FLT3: variants seen among roughly 807,000 people sequenced by gnomAD.
FLT3 encodes the protein receptor-type tyrosine-protein kinase FLT3.
In FLT3, 46 loss-of-function variants were observed where a neutral mutation model predicts 126.6. The ratio of observed to expected loss-of-function variants is 0.36; its 90% CI spans 0.29 to 0.46. FLT3 has a LOEUF of 0.46. FLT3 is among the 20% of genes least tolerant of loss of function. The pLI, the probability that FLT3 is intolerant of heterozygous loss-of-function variation, is 1.00. For synonymous variants in FLT3, 404 were observed against 434.4 expected (o/e 0.93, Z 0.87); for missense variants, 1,069 against 1,190.3 (o/e 0.90, Z 1.50).
intron 9 of FLT3, among the ~76,000 whole-genome samples, chr13:28,044,020 G>C (rs1285720424): frequency 6.6e-6 from 1 of 150,854 alleles, no homozygotes; most frequent in Non-Finnish European, 1.5e-5. Context: ...TGAGGCAGGA[G>C]AATCACTTAC....
intron 17 of FLT3, among the ~76,000 whole-genome samples, chr13:28,026,609 G>C (rs1302930305): frequency 6.6e-6 from 1 of 152,130 alleles, no homozygotes; most frequent in African/African-American, 2.4e-5. Flanking sequence ...GCAGAGACAA[G>C]GTTACTGCTA....
chr13:28,074,893 T>C (rs913181283), intron 1 of FLT3, among the ~76,000 whole-genome samples: 4 of 152,078 alleles, frequency 2.6e-5, no homozygotes, highest in African/African-American at 9.7e-5. Context: ...CTTGGGCTCC[T>C]CAAGTGCTGG....
At chr13:28,062,589 A>T (rs1442647450) in intron 2 of FLT3, among the ~76,000 whole-genome samples, 1 of 151,896 alleles carries the variant, frequency 6.6e-6, no homozygotes, top group African/African-American at 2.4e-5. Flanking sequence ...CTAAAAATAC[A>T]AAAAATAAGC....
At chr13:28,093,592 A>G (rs1879265838) in intron 1 of FLT3, among the ~76,000 whole-genome samples, 2 of 152,182 alleles carry the variant, frequency 1.3e-5, no homozygotes, top group South Asian at 4.1e-4. Context: ...ATAGTTTTCC[A>G]TCTGTGGAAA....
rs1318954083 is a variant in FLT3 at position 28,023,451 on chromosome 13, T to C, written c.2317A>G (p.Arg773Gly). Residue 773 changes from arginine (R) to glycine (G), a missense_variant, in exon 19 of 24, where the codon AGG becomes GGG. By Grantham distance (125) the Arg-to-Gly change is moderately radical. Coordinates refer to ENST00000241453, the MANE Select transcript of FLT3 (RefSeq NM_004119.3). Reference protein sequence around the residue: ...EDEIEYENQKRLEEEEDLNVL... With the variant: ...EDEIEYENQKGLEEEEDLNVL... Reference sequence around the variant, plus strand: ...TTCAAGTCCTCCTCTTCTTCCAGCCTTTTTTGGTTTTCATATTCAATTTCA... The same window carrying C: ...TTCAAGTCCTCCTCTTCTTCCAGCCCTTTTTGGTTTTCATATTCAATTTCA... 5.0e-6 allele frequency: 8 copies of C among 1,612,944 alleles called. No homozygotes were observed. The East Asian group carries it at 1.8e-4, about 36-fold the overall frequency.
At chr13:28,065,221 G>A (rs1276448525) in intron 2 of FLT3, among the ~76,000 whole-genome samples, 5 of 152,222 alleles carry the variant, frequency 3.3e-5, no homozygotes, top group Admixed American at 1.3e-4. Context: ...ACAGGGATAT[G>A]TAGAAAGAGG....
intron 22 of FLT3, among the ~76,000 whole-genome samples, chr13:28,014,778 G>T (rs553135703): frequency 1.7e-4 from 26 of 152,310 alleles, no homozygotes; most frequent in Admixed American, 1.3e-4. Context: ...GGATAGAATC[G>T]AATGACCTTC....
At chr13:28,006,519 C>G (rs1870911655) in intron 23 of FLT3, among the ~76,000 whole-genome samples, 1 of 152,112 alleles carries the variant, frequency 6.6e-6, no homozygotes, top group South Asian at 2.1e-4. Context: ...CACTGAATTT[C>G]TAACCACCTC....
At chr13:28,047,539 T>C (rs1250645721) in intron 9 of FLT3, among the ~76,000 whole-genome samples, 2 of 151,872 alleles carry the variant, frequency 1.3e-5, no homozygotes, top group Non-Finnish European at 2.9e-5. Context: ...GGCAAAACCC[T>C]GTCTCTACCA....
intron 15 of FLT3, among the ~76,000 whole-genome samples, chr13:28,031,426 G>A (rs1163669146): frequency 6.6e-6 from 1 of 152,070 alleles, no homozygotes; most frequent in Admixed American, 6.5e-5. Context: ...GAAAGAGTGG[G>A]CAAAGGTCGA....
intron 1 of FLT3, among the ~76,000 whole-genome samples, chr13:28,088,736 C>T (rs1313143797): frequency 6.6e-6 from 1 of 151,750 alleles, no homozygotes; most frequent in Non-Finnish European, 1.5e-5. Context: ...AGGCGCCCAC[C>T]ACCACGCCCA....
intron 2 of FLT3, among the ~76,000 whole-genome samples, chr13:28,066,428 A>G (rs183900025): frequency 6.6e-6 from 1 of 152,310 alleles, no homozygotes; most frequent in Non-Finnish European, 1.5e-5. Context: ...TTCCAGGGGT[A>G]AGGCAAGAAA....
intron 1 of FLT3, among the ~76,000 whole-genome samples, chr13:28,082,222 C>T (rs1593298268): frequency 6.6e-6 from 1 of 152,058 alleles, no homozygotes. Flanking sequence ...ATTATCATAG[C>T]TCACTCCAAC....
rs1873633747 is a variant in FLT3 at position 28,034,320 on chromosome 13, A to C, written c.1685T>G (p.Ile562Ser). Residue 562 changes from isoleucine to serine, a missense_variant, in exon 13 of 24, where the codon ATT (isoleucine) becomes AGT (serine). Coordinates refer to ENST00000241453, the MANE Select transcript of FLT3 (RefSeq NM_004119.3). ...TTTTACCTTTTTGTACTTGTGACAA[A>C]TTAGCAGGGTTAAAACGACAATGAA... The part of the protein sequence containing the change: ...LLFIVVLTLL[I>S]CHKYKKQFRY... The C allele has an allele frequency of 1.2e-6, 2 of 1,613,872 alleles. No individual in the cohort carries two copies. The highest frequency in any genetic ancestry group is 4.5e-5 in the East Asian group (2 of 44,872).
intron 23 of FLT3, among the ~76,000 whole-genome samples, chr13:28,006,728 C>CTTTTTTTTTTTT (rs753656559): frequency 6.8e-5 from 9 of 132,880 alleles, no homozygotes; most frequent in African/African-American, 8.3e-5. Context: ...CCTTTCTTTC[C>CTTTTTTTTTTTT]TTTTTTTTTT....
intron 1 of FLT3, among the ~76,000 whole-genome samples, chr13:28,099,211 G>C (rs1414431640): frequency 6.6e-6 from 1 of 152,038 alleles, no homozygotes; most frequent in Non-Finnish European, 1.5e-5. Context: ...CCTTTAGAAA[G>C]CCCATTATGC....
chr13:28,095,827 G>A (rs1337035143), intron 1 of FLT3, among the ~76,000 whole-genome samples: 4 of 152,108 alleles, frequency 2.6e-5, no homozygotes, highest in African/African-American at 7.2e-5. Flanking sequence ...ACAAAGAACC[G>A]TGGATATGTT....
chr13:28,015,806 T>A, intron 20 of FLT3, 105 bp from the exon 21 acceptor site: 1 of 690,304 alleles, frequency 1.4e-6, no homozygotes, highest in South Asian at 1.7e-5. Context: ...AAGACCACTC[T>A]TAATGCCTTA....
At chr13:28,037,386 T>A in intron 9 of FLT3, 98 bp from the exon 10 acceptor site, 1 of 745,784 alleles carries the variant, frequency 1.3e-6, no homozygotes, top group South Asian at 1.5e-5. Context: ...CTTGAAATGC[T>A]CCTCACTTGC....
Sources: gnomAD v4.1 joint callset for allele counts (sites outside exome capture counted in the v4.1 genomes callset) on GRCh38, gnomAD v4.1.1 for gene constraint, MANE v1.5 for transcripts, NCBI Gene and HGNC (gene_info 2026-07-23, HGNC 2026-07-21) for gene names.